Variants in STRN observed in about 807,000 individuals in gnomAD.
STRN encodes the protein protein phosphatase 2 regulatory subunit B'''alpha.
Under a neutral mutation model 96.3 loss-of-function variants are expected in STRN, and 53 were observed. The observed-to-expected ratio is 0.55, with a 90% CI of 0.44 to 0.69. The LOEUF is 0.69. Among genes scored for constraint, STRN ranks in the 30% least tolerant of loss-of-function variants. The probability of loss-of-function intolerance (pLI) is 0.00; values close to 1 mark genes in which losing one functional copy is unlikely to be tolerated. For missense variants in STRN, 987 were observed against 963.9 expected (o/e 1.02, Z -0.32); for synonymous variants, 428 against 355.9 (o/e 1.20, Z -2.28).
rs189355505 is a variant in STRN, at chr2:36,957,914, C to A, written c.234+8316G>T. On this transcript the variant is annotated intron_variant, in intron 1 of 17. Transcript: ENST00000263918. ...TACAGGCGCCCATCACGACGCCCAG[C>A]TAATTTTTTTTTTTTTTTTTTTTTT... is the stretch of plus-strand genomic sequence containing the variant. Among the ~76,000 whole-genome samples, 4 of 136,036 alleles carry A rather than the reference C, an allele frequency of 2.9e-5. No individual in the cohort carries two copies. The East Asian group carries it at 8.5e-4, about 29-fold the overall frequency. 89.2% of individuals were successfully genotyped at this position (136,036 alleles called of 152,430 possible).
intron 10 of STRN, among the ~76,000 whole-genome samples, chr2:36,876,389 C>T (rs1204946383): frequency 6.6e-6 from 1 of 151,764 alleles, no homozygotes; most frequent in Non-Finnish European, 1.5e-5. Flanking sequence ...AAAAAATGGA[C>T]CAGGATAGAA....
Position 36,965,089 on chromosome 2 carries a change from C to T in STRN, c.234+1141G>A, listed in dbSNP as rs538260834. Reference sequence around the variant, plus strand: ...CCAGAGCCTGTTCCAGCACATGATTCTATTTAACAGATTTCTCCTCTTCTT... The same window carrying T: ...CCAGAGCCTGTTCCAGCACATGATTTTATTTAACAGATTTCTCCTCTTCTT... On this transcript the variant is annotated intron_variant, in intron 1 of 17. Coordinates refer to ENST00000263918, the MANE Select transcript of STRN (RefSeq NM_003162.4). 3.3e-4 allele frequency among the ~76,000 whole-genome samples: 50 copies of T among 152,026 alleles called. 1 individual carries two copies. Among genetic ancestry groups the T allele is most frequent in the African/African-American group, 1.2e-3 (50 of 41,372 alleles).
intron 2 of STRN, among the ~76,000 whole-genome samples, chr2:36,918,040 G>C (rs913758966): frequency 6.6e-6 from 1 of 152,094 alleles, no homozygotes; most frequent in Non-Finnish European, 1.5e-5. Context: ...TGAGGCAGAA[G>C]GGAGACTATT....
intron 1 of STRN, among the ~76,000 whole-genome samples, chr2:36,949,001 G>A (rs1350032597): frequency 6.6e-6 from 1 of 152,210 alleles, no homozygotes; most frequent in African/African-American, 2.4e-5. Flanking sequence ...TGACACTTCA[G>A]TCAATGATTA....
rs1159377681 is a variant in STRN at position 36,878,124 on chromosome 2, T to C, written c.1187-97A>G. The stretch of plus-strand genomic sequence containing the variant: ...CAAATTTCTTATAAGTGCACGTATA[T>C]ACTTAATTGTTTTTAAATGCTTTTA... On this transcript the variant is annotated intron_variant, in intron 9 of 17. Transcript: ENST00000263918. 3.8e-6 allele frequency: 5 copies of C among 1,299,124 alleles called. No individual in the cohort carries two copies. In the Admixed American group the frequency reaches 7.0e-5, roughly 18 times the overall value. 80.5% of individuals were successfully genotyped at this position (1,299,124 alleles called of 1,614,324 possible).
At chr2:36,886,662 G>A in intron 8 of STRN, 54 bp downstream of exon 8, 1 of 1,374,472 alleles carries the variant, frequency 7.3e-7, no homozygotes, top group Admixed American at 2.2e-5. Flanking sequence ...AAAAAAACTG[G>A]GGGATGTAAA....
chr2:36,916,165 G>A lies in STRN; in HGVS notation c.339-14C>T, dbSNP rs1407525569. ...TGGTATTTGGCTCTAACAAAGAAAT[G>A]AGAAAATACAGACCATCTTAAAATA... On this transcript the variant is annotated splice_polypyrimidine_tract_variant and intron_variant, in intron 2 of 17. Transcript: ENST00000263918. 6 of 1,600,578 alleles carry A rather than the reference G, an allele frequency of 3.7e-6. No individual in the cohort carries two copies. The highest frequency in any genetic ancestry group is 3.3e-4 in the Middle Eastern group (2 of 6,038).
chr2:36,876,194 C>T (rs1463795398), intron 10 of STRN, among the ~76,000 whole-genome samples: 2 of 151,810 alleles, frequency 1.3e-5, no homozygotes, highest in African/African-American at 4.8e-5. Context: ...CATTTGAGCC[C>T]GGTGGGGCGG....
At chr2:36,916,629 T>G (rs894032040) in intron 2 of STRN, among the ~76,000 whole-genome samples, 1 of 152,162 alleles carries the variant, frequency 6.6e-6, no homozygotes, top group Non-Finnish European at 1.5e-5. Context: ...TTGCCAAATA[T>G]GCATTATACT....
intron 1 of STRN, among the ~76,000 whole-genome samples, chr2:36,958,459 G>A (rs1664948077): frequency 6.6e-6 from 1 of 152,140 alleles, no homozygotes; most frequent in Non-Finnish European, 1.5e-5. Context: ...TTTAAGAAAT[G>A]ACCGAGCAGA....
intron 2 of STRN, among the ~76,000 whole-genome samples, chr2:36,917,045 AAAAAAATAAAAAATAAAAATAAAT>A (rs1670119649): frequency 7.1e-6 from 1 of 140,564 alleles, no homozygotes; most frequent in African/African-American, 3.1e-5. Flanking sequence ...AATGATCAAT[AAAAAAATAAAAAATAAAAATAAAT>A]AAAAAAAAAA....
chr2:36,937,390 C>G (rs1178960537), intron 1 of STRN, among the ~76,000 whole-genome samples: 2 of 150,550 alleles, frequency 1.3e-5, no homozygotes, highest in Non-Finnish European at 3.0e-5. Flanking sequence ...AAAAAGAGGT[C>G]GGGCATAATG....
At chr2:36,882,763 T>C (rs1290133364) in intron 9 of STRN, among the ~76,000 whole-genome samples, 1 of 152,108 alleles carries the variant, frequency 6.6e-6, no homozygotes, top group Non-Finnish European at 1.5e-5. Context: ...AGTGACAGCC[T>C]GTCTCCAAAA....
chr2:36,957,741 TGTC>T (rs1239862415), intron 1 of STRN, among the ~76,000 whole-genome samples: 6 of 135,534 alleles, frequency 4.4e-5, no homozygotes, highest in African/African-American at 1.4e-4. Context: ...TTCTTCTTTT[TGTC>T]TTTTTTTTTT....
At chr2:36,897,429 T>TA (rs201662533) in intron 6 of STRN, among the ~76,000 whole-genome samples, 39 of 147,984 alleles carry the variant, frequency 2.6e-4, no homozygotes, top group Admixed American at 4.0e-4. Flanking sequence ...CAAAAAAAAC[T>TA]AAAAAATATA....
intron 1 of STRN, among the ~76,000 whole-genome samples, chr2:36,961,193 C>A (rs1665022791): frequency 7.7e-6 from 1 of 129,196 alleles, no homozygotes; most frequent in Non-Finnish European, 1.6e-5. Context: ...GTGGAGTGAT[C>A]ATGACTCACT....
chr2:36,885,666 G>C (rs145630285), intron 8 of STRN, among the ~76,000 whole-genome samples: 41 of 152,020 alleles, frequency 2.7e-4, no homozygotes, highest in African/African-American at 8.7e-4. Context: ...TTTAAATAAA[G>C]GTTTAAATGC....
At chr2:36,957,552 C>A (rs1316027389) in intron 1 of STRN, among the ~76,000 whole-genome samples, 1 of 151,964 alleles carries the variant, frequency 6.6e-6, no homozygotes, top group African/African-American at 2.4e-5. Context: ...CACACCACTG[C>A]ACTCCAGCCT....
chr2:36,903,276 G>A (rs1311566776), intron 4 of STRN, among the ~76,000 whole-genome samples: 1 of 152,192 alleles, frequency 6.6e-6, no homozygotes, highest in Non-Finnish European at 1.5e-5. Flanking sequence ...ATTGTAGAAT[G>A]TAGGGGGTGT....
Sources: gnomAD v4.1 joint callset for allele counts (sites outside exome capture counted in the v4.1 genomes callset) on GRCh38, gnomAD v4.1.1 for gene constraint, MANE v1.5 for transcripts, NCBI Gene and HGNC (gene_info 2026-07-23, HGNC 2026-07-21) for gene names.